RIMBP2: variants seen among roughly 807,000 people sequenced by gnomAD.
RIMBP2 encodes RIMS binding protein 2, also known as RIMS-binding protein 2.
In RIMBP2, 48 loss-of-function variants were observed where a neutral mutation model predicts 118.6. That is an observed-to-expected ratio of 0.40 (90% CI 0.32 to 0.51). The LOEUF is 0.51. Among genes scored for constraint, RIMBP2 ranks in the 20% least tolerant of loss-of-function variants. The pLI is 0.41. For missense variants in RIMBP2, 1,551 were observed against 1,768.3 expected, an observed-to-expected ratio of 0.88 and a Z score of 2.20; for synonymous variants, 762 against 742.9, an observed-to-expected ratio of 1.03 and a Z score of -0.42.
At chr12:130,633,351 T>C (rs1327776075) in intron 1 of RIMBP2, among the ~76,000 whole-genome samples, 1 of 152,224 alleles carries the variant, frequency 6.6e-6, no homozygotes, top group Non-Finnish European at 1.5e-5. Context: ...ATGCCAGTTC[T>C]GTGATGCTTA....
chr12:130,519,931 A>G (rs2051899663), intron 2 of RIMBP2, among the ~76,000 whole-genome samples: 1 of 152,178 alleles, frequency 6.6e-6, no homozygotes, highest in African/African-American at 2.4e-5. Flanking sequence ...AGCACATCTT[A>G]CTGCACAGGG....
chr12:130,531,297 A>T (rs1437324935), intron 2 of RIMBP2, among the ~76,000 whole-genome samples: 3 of 152,216 alleles, frequency 2.0e-5, no homozygotes, highest in Non-Finnish European at 4.4e-5. Context: ...AAGAAGTAGG[A>T]CATTCGCTGC....
At chr12:130,504,310 A>G (rs1034655953) in intron 4 of RIMBP2, among the ~76,000 whole-genome samples, 1 of 152,118 alleles carries the variant, frequency 6.6e-6, no homozygotes, top group African/African-American at 2.4e-5. Context: ...AGGCACACTT[A>G]GCTGGGAATC....
At chr12:130,490,184 TTC>T (rs2048510427) in intron 4 of RIMBP2, among the ~76,000 whole-genome samples, 1 of 151,654 alleles carries the variant, frequency 6.6e-6, no homozygotes, top group African/African-American at 2.4e-5. Context: ...GAGGGGGTTG[TTC>T]TGTTTCTTTC....
At chr12:130,569,446 C>T (rs367687840) in intron 2 of RIMBP2, among the ~76,000 whole-genome samples, 3 of 152,232 alleles carry the variant, frequency 2.0e-5, no homozygotes, top group Admixed American at 6.5e-5. Flanking sequence ...GGCTGAGCCA[C>T]GCAACCTAAA....
intron 4 of RIMBP2, among the ~76,000 whole-genome samples, chr12:130,488,461 C>T (rs1392671124): frequency 6.6e-6 from 1 of 151,880 alleles, no homozygotes; most frequent in African/African-American, 2.4e-5. Context: ...GTGAGGTCTA[C>T]GAACCAGCCA....
chr12:130,486,540 G>C (rs1189131963), intron 4 of RIMBP2, among the ~76,000 whole-genome samples: 1 of 142,866 alleles, frequency 7.0e-6, no homozygotes, highest in Non-Finnish European at 1.5e-5. Flanking sequence ...CTCAAATTTA[G>C]CCTGTCCGAA....
intron 2 of RIMBP2, among the ~76,000 whole-genome samples, chr12:130,538,507 C>G (rs1023797139): frequency 6.6e-6 from 1 of 152,072 alleles, no homozygotes; most frequent in East Asian, 1.9e-4. Flanking sequence ...CCCAGCCACC[C>G]GCCCACCTAT....
Position 130,596,365 on chromosome 12 carries a change from C to T in RIMBP2, c.-217+31957G>A, listed in dbSNP as rs1187792832. Reference sequence around the variant, plus strand: ...GATGCTGACAAAACCCAGAAAGGGGCACTATGACCCACCCCCACCTTCCCA... The same window carrying T: ...GATGCTGACAAAACCCAGAAAGGGGTACTATGACCCACCCCCACCTTCCCA... On this transcript the variant is annotated intron_variant, in intron 2 of 22. Transcript: ENST00000690449. 2.6e-5 allele frequency among the ~76,000 whole-genome samples: 4 copies of T among 152,098 alleles called. No individual in the cohort carries two copies. The East Asian group carries it at 7.7e-4, about 29-fold the overall frequency.
intron 20 of RIMBP2, 26 bp from the exon 21 acceptor site, chr12:130,406,269 T>C: frequency 6.7e-7 from 1 of 1,497,400 alleles, no homozygotes; most frequent in Non-Finnish European, 9.3e-7. Context: ...ATAAAATTAA[T>C]CGTATTTTTC....
intron 5 of RIMBP2, among the ~76,000 whole-genome samples, chr12:130,473,230 T>C (rs1233398552): frequency 6.6e-6 from 1 of 152,226 alleles, no homozygotes; most frequent in African/African-American, 2.4e-5. Flanking sequence ...GCTGAATTCT[T>C]ACAAAATCCA....
chr12:130,545,917 G>A (rs1593742167), intron 2 of RIMBP2, among the ~76,000 whole-genome samples: 1 of 152,054 alleles, frequency 6.6e-6, no homozygotes, highest in South Asian at 2.1e-4. Context: ...CAGGATTTAG[G>A]GCTCATCAAA....
chr12:130,449,896 C>T (rs1386004731), intron 9 of RIMBP2, among the ~76,000 whole-genome samples: 1 of 152,094 alleles, frequency 6.6e-6, no homozygotes, highest in Non-Finnish European at 1.5e-5. Context: ...CCTTGGAGCC[C>T]TCGGAGGGCG....
chr12:130,489,098 G>A (rs377258243), intron 4 of RIMBP2, among the ~76,000 whole-genome samples: 3 of 152,312 alleles, frequency 2.0e-5, no homozygotes, highest in East Asian at 1.9e-4. Context: ...AAGAGCCCAC[G>A]TGAATGCATA....
intron 2 of RIMBP2, among the ~76,000 whole-genome samples, chr12:130,598,907 A>G (rs1338111319): frequency 2.6e-5 from 4 of 152,148 alleles, no homozygotes; most frequent in Non-Finnish European, 5.9e-5. Flanking sequence ...GATGGGGTCT[A>G]TGTCACTCAG....
intron 5 of RIMBP2, among the ~76,000 whole-genome samples, chr12:130,478,028 C>A (rs185369434): frequency 2.6e-5 from 4 of 152,314 alleles, no homozygotes; most frequent in Admixed American, 2.6e-4. Flanking sequence ...CACCCCAAGC[C>A]CATAGGCTCC....
Position 130,406,153 on chromosome 12 carries a change from T to C in RIMBP2, c.3765+19A>G, listed in dbSNP as rs1320950013. ...AATACAAAAATCAAATGGTACTTCT[T>C]GATATTTCAAAAACTTACATAATAA... On this transcript the variant is annotated intron_variant, in intron 21 of 22. Coordinates refer to ENST00000690449, the MANE Select transcript of RIMBP2 (RefSeq NM_001393629.1). 7.3e-7 allele frequency: 1 copy of C among 1,379,232 alleles called. No homozygotes were observed. The highest frequency in any genetic ancestry group is 1.0e-6 in the Non-Finnish European group (1 of 970,494). 85.4% of individuals were successfully genotyped at this position (1,379,232 alleles called of 1,614,324 possible).
At chr12:130,540,703 G>C (rs901717575) in intron 2 of RIMBP2, among the ~76,000 whole-genome samples, 1 of 152,102 alleles carries the variant, frequency 6.6e-6, no homozygotes, top group Non-Finnish European at 1.5e-5. Context: ...TAAACCCCTA[G>C]TATTAGTTGG....
In RIMBP2 at chr12:130,620,062, T is replaced by C. The variant is rs2061206938; in HGVS notation, c.-217+8260A>G. Reference sequence around the variant, plus strand: ...GTCGAGAAAGAGGCTCCTGGACCCCTGCGGCAACCGGTTGAAAAGGGCCTC... The same window carrying C: ...GTCGAGAAAGAGGCTCCTGGACCCCCGCGGCAACCGGTTGAAAAGGGCCTC... On this transcript the variant is annotated intron_variant, in intron 2 of 22. Coordinates refer to ENST00000690449, the MANE Select transcript of RIMBP2 (RefSeq NM_001393629.1). This position sits in a 1 kb window ranked among gnomAD's most constrained non-coding sequence, Gnocchi z 5.3. Among the ~76,000 whole-genome samples, 1 of 152,086 alleles carries C rather than the reference T, an allele frequency of 6.6e-6. No homozygotes were observed. Among genetic ancestry groups the C allele is most frequent in the South Asian group, 2.1e-4 (1 of 4,816 alleles).
Sources: allele counts gnomAD v4.1 joint callset (sites outside exome capture counted in the v4.1 genomes callset), GRCh38; gene constraint gnomAD v4.1.1; non-coding constraint Gnocchi (gnomAD v3.1); transcripts MANE v1.5; gene names NCBI Gene and HGNC (gene_info 2026-07-23, HGNC 2026-07-21).